CDH17: variants seen among roughly 807,000 people sequenced by gnomAD.
CDH17 encodes cadherin-17.
Under a neutral mutation model 86.3 loss-of-function variants are expected in CDH17, and 67 were observed. That is an observed-to-expected ratio of 0.78 (90% confidence interval 0.64 to 0.95). The LOEUF (loss-of-function observed/expected upper bound fraction) is 0.95. Ranked by LOEUF, CDH17 falls within the 40% of genes least tolerant of loss-of-function variation. CDH17 has a pLI of 0.00. For synonymous variants in CDH17, 367 were observed against 366.4 expected (o/e 1.00, Z -0.02); for missense variants, 993 against 1,017.6 (o/e 0.98, Z 0.33).
chr8:94,162,152 G>C lies in CDH17; in HGVS notation c.1293C>G (p.Thr431=), dbSNP rs1404746005. 5 of 1,605,616 alleles carry C rather than the reference G, an allele frequency of 3.1e-6. No individual in the cohort carries two copies. The highest frequency in any genetic ancestry group is 1.7e-5 in the Admixed American group (1 of 59,868). The part of the protein sequence containing the change: ...TIEVSDKDFK[T]LCFVQINVID... ...TAACGTTGATTTGCACAAAACAAAG[G>C]GTCTTGAAATCTGAAAACCAAAGTC... Residue 431 remains threonine (T), a synonymous_variant, in exon 11 of 18, where the codon ACC becomes ACG. Transcript: ENST00000027335.
At chr8:94,179,337 C>A (rs192229658) in intron 3 of CDH17, among the ~76,000 whole-genome samples, 19 of 152,316 alleles carry the variant, frequency 1.2e-4, no homozygotes, top group Admixed American at 1.1e-3. Flanking sequence ...TTGAAAACAA[C>A]CATTAGCAAT....
At chr8:94,206,334 T>C (rs1189313915) in intron 1 of CDH17, among the ~76,000 whole-genome samples, 1 of 152,242 alleles carries the variant, frequency 6.6e-6, no homozygotes, top group Non-Finnish European at 1.5e-5. Context: ...TCCGTGTGTC[T>C]TTCTTTGGAT....
rs896901736 is a variant in CDH17 at position 94,151,755 on chromosome 8, T to C, written c.1796+113A>G. The C allele has an allele frequency of 4.4e-6, 6 of 1,378,364 alleles. No individual in the cohort carries two copies. The African/African-American group carries it at 7.1e-5, about 16-fold the overall frequency. The allele number at this position is 1,378,364 out of a possible 1,614,324, so 85.4% of individuals were successfully genotyped here. A position where few individuals can be genotyped will look rare whatever the true frequency, so the allele number is the denominator to read the frequency against. On this transcript the variant is annotated intron_variant, in intron 13 of 17. Transcript: ENST00000027335. ...CCTAAACCAAAGCCAATTTCATCATTGCTGGGTATGCTGTGAGGGTCAGCC... is the reference window on the plus strand; with the variant it reads ...CCTAAACCAAAGCCAATTTCATCATCGCTGGGTATGCTGTGAGGGTCAGCC...
At chr8:94,178,851 A>G (rs146029519) in intron 3 of CDH17, among the ~76,000 whole-genome samples, 13 of 152,246 alleles carry the variant, frequency 8.5e-5, no homozygotes, top group African/African-American at 2.9e-4. Flanking sequence ...TATATTGTTT[A>G]TATAATAAAT....
chr8:94,139,473 A>G (rs980982350), intron 15 of CDH17, among the ~76,000 whole-genome samples: 3 of 152,220 alleles, frequency 2.0e-5, no homozygotes, highest in African/African-American at 7.2e-5. Context: ...GATGATCATC[A>G]AACTTCAGGA....
At chr8:94,204,433 G>T (rs1374064687) in intron 1 of CDH17, among the ~76,000 whole-genome samples, 1 of 152,156 alleles carries the variant, frequency 6.6e-6, no homozygotes, top group East Asian at 1.9e-4. Flanking sequence ...TGCTGAGAAT[G>T]ATGGTTCCCA....
At chr8:94,199,070 TATATATATATA>T (rs1563589506) in intron 1 of CDH17, among the ~76,000 whole-genome samples, 7 of 16,944 alleles carry the variant, frequency 4.1e-4, no homozygotes, top group Middle Eastern at 0.056. Flanking sequence ...TATATATATA[TATATATATATA>T]TATTTTTTTT....
At chr8:94,192,524 C>G (rs1193349677) in intron 2 of CDH17, among the ~76,000 whole-genome samples, 1 of 152,198 alleles carries the variant, frequency 6.6e-6, no homozygotes, top group Non-Finnish European at 1.5e-5. Context: ...CATTCAGAGA[C>G]AGAGCTACCT....
chr8:94,189,445 C>T (rs1028417784), intron 2 of CDH17, among the ~76,000 whole-genome samples, 160 bp from the exon 3 acceptor site: 109 of 152,116 alleles, frequency 7.2e-4, no homozygotes, highest in African/African-American at 2.5e-3. Flanking sequence ...TGAAGCTCTA[C>T]CACGTCAAAG....
In CDH17 at chr8:94,176,605, G is replaced by A. The variant is rs148638200; in HGVS notation, c.360C>T (p.Asn120=). ...VPITIKVKDI[N]DNRPTFLQSK... ...ACTGGAGAAACGTGGGTCGATTGTC[G>A]TTGATGTCCTTCACTTTTATGGTGA... The change falls in exon 5 of 18, where the codon AAC becomes AAT. Residue 120 remains asparagine (N), a synonymous_variant. Coordinates refer to ENST00000027335, the MANE Select transcript of CDH17 (RefSeq NM_004063.4). 109 of 1,613,578 alleles carry A rather than the reference G, an allele frequency of 6.8e-5. No homozygotes were observed. In the African/African-American group the frequency reaches 1.0e-3, roughly 15 times the overall value.
intron 17 of CDH17, among the ~76,000 whole-genome samples, chr8:94,129,304 G>A (rs1340950381): frequency 1.3e-5 from 2 of 152,142 alleles, no homozygotes; most frequent in Non-Finnish European, 2.9e-5. Context: ...ACCTCAAAAA[G>A]ACAGCTCAAT....
chr8:94,154,997 A>T (rs902823235), intron 12 of CDH17, among the ~76,000 whole-genome samples: 2 of 151,974 alleles, frequency 1.3e-5, no homozygotes, highest in Non-Finnish European at 2.9e-5. Context: ...CTCACTCTCT[A>T]GTTCATAAGT....
intron 15 of CDH17, among the ~76,000 whole-genome samples, chr8:94,135,256 G>A (rs1255099405): frequency 6.6e-6 from 1 of 152,160 alleles, no homozygotes; most frequent in Non-Finnish European, 1.5e-5. Context: ...ATTGACAGTG[G>A]GGTGTTAAAG....
At chr8:94,211,646 A>G (rs1476856033), upstream of CDH17, among the ~76,000 whole-genome samples, 6 of 152,218 alleles carry the variant, frequency 3.9e-5, no homozygotes, top group Non-Finnish European at 8.8e-5. Context: ...AATGAAATCT[A>G]TGAGTGGTAA....
intron 1 of CDH17, among the ~76,000 whole-genome samples, chr8:94,199,070 TATATA>T (rs1813848804): frequency 1.2e-4 from 2 of 16,938 alleles, no homozygotes; most frequent in Non-Finnish European, 2.1e-4. Flanking sequence ...TATATATATA[TATATA>T]TATATATATT....
chr8:94,173,822 T>C lies in CDH17; in HGVS notation c.758A>G (p.Asp253Gly). 2 of 1,613,790 alleles carry C rather than the reference T, an allele frequency of 1.2e-6. No individual in the cohort carries two copies. Among genetic ancestry groups the C allele is most frequent in the South Asian group, 2.2e-5 (2 of 91,074 alleles). ...CTGAGTGATTTTGATGGGGTGAGGA[T>C]CAGTTGAGTTTTCCACCATCTCCAC... ...KPVEMVENST[D>G]PHPIKITQVR... Residue 253 changes from aspartate to glycine, a missense_variant, in exon 7 of 18, where the codon GAT becomes GGT. Asp to Gly is a moderately conservative substitution (Grantham distance 94). Transcript: ENST00000027335.
chr8:94,192,076 A>G (rs1477628033), intron 2 of CDH17, among the ~76,000 whole-genome samples: 1 of 152,242 alleles, frequency 6.6e-6, no homozygotes, highest in African/African-American at 2.4e-5. Flanking sequence ...ACAAGGCTGC[A>G]CTATTCCAAC....
intron 2 of CDH17, among the ~76,000 whole-genome samples, chr8:94,191,500 G>A (rs1051576790): frequency 7.0e-6 from 1 of 142,926 alleles, no homozygotes; most frequent in Non-Finnish European, 1.5e-5. Context: ...TGCCTAGGCT[G>A]GAGTGCAGTG....
intron 1 of CDH17, among the ~76,000 whole-genome samples, chr8:94,194,943 CTGCTT>C (rs1439085427): frequency 6.6e-6 from 1 of 152,212 alleles, no homozygotes; most frequent in Non-Finnish European, 1.5e-5. Flanking sequence ...ATTTATCTAA[CTGCTT>C]TGCTTTGTTA....
Sources: gnomAD v4.1 joint callset for allele counts (sites outside exome capture counted in the v4.1 genomes callset) on GRCh38, gnomAD v4.1.1 for gene constraint, MANE v1.5 for transcripts, NCBI Gene and HGNC (gene_info 2026-07-23, HGNC 2026-07-21) for gene names.